The following TRPM3 variants were observed in gnomAD, a reference collection of about 807,000 sequenced individuals.
TRPM3 encodes the protein long transient receptor potential channel 3.
TRPM3 carries 77 observed loss-of-function variants against 181.2 expected under a neutral mutation model. The ratio of observed to expected loss-of-function variants is 0.42; its 90% confidence interval spans 0.35 to 0.51. TRPM3 has a LOEUF of 0.51. TRPM3 is among the 20% of genes least tolerant of loss of function. The pLI is 0.01. For missense variants in TRPM3, 1,759 were observed against 2,196.7 expected, an observed-to-expected ratio of 0.80 and a Z score of 3.98; for synonymous variants, 745 against 796.4, an observed-to-expected ratio of 0.94 and a Z score of 1.09.
intron 5 of TRPM3, among the ~76,000 whole-genome samples, chr9:70,839,041 AT>A: frequency 6.6e-6 from 1 of 152,228 alleles, no homozygotes; most frequent in East Asian, 1.9e-4. Context: ...TTGAGTTGCT[AT>A]CTAAGAAAAC....
At chr9:70,690,474 A>T (rs1397676302) in intron 8 of TRPM3, among the ~76,000 whole-genome samples, 1 of 152,172 alleles carries the variant, frequency 6.6e-6, no homozygotes, top group Non-Finnish European at 1.5e-5. Context: ...CAAGGATAGA[A>T]GCAGGGAAAC....
intron 1 of TRPM3, among the ~76,000 whole-genome samples, chr9:71,136,872 C>G (rs1271028957): frequency 6.6e-6 from 1 of 152,122 alleles, no homozygotes; most frequent in Non-Finnish European, 1.5e-5. Context: ...TTTTGTACAG[C>G]AAAAGAAGCT....
At chr9:71,424,957 T>C (rs1220126370) in intron 1 of TRPM3, among the ~76,000 whole-genome samples, 1 of 152,174 alleles carries the variant, frequency 6.6e-6, no homozygotes, top group Admixed American at 6.6e-5. Flanking sequence ...CAAATTCACA[T>C]AGAATTCATA....
intron 1 of TRPM3, among the ~76,000 whole-genome samples, chr9:71,030,512 C>G (rs1030929335): frequency 6.6e-6 from 1 of 151,542 alleles, no homozygotes; most frequent in Non-Finnish European, 1.5e-5. Flanking sequence ...TTGCAGTGAG[C>G]CAAGATCATG....
intron 1 of TRPM3, among the ~76,000 whole-genome samples, chr9:71,376,339 AAC>A (rs1359166286): frequency 2.0e-5 from 3 of 152,070 alleles, no homozygotes; most frequent in African/African-American, 7.2e-5. Flanking sequence ...ATTTTGAAGA[AAC>A]AATTTTCCCT....
chr9:71,337,088 G>A (rs954023860), intron 1 of TRPM3, among the ~76,000 whole-genome samples: 1 of 152,088 alleles, frequency 6.6e-6, no homozygotes, highest in African/African-American at 2.4e-5. Context: ...GCAACAAAAG[G>A]CAAAATTGAA....
At chr9:70,819,918 G>A (rs1311557237) in intron 6 of TRPM3, among the ~76,000 whole-genome samples, 1 of 152,154 alleles carries the variant, frequency 6.6e-6, no homozygotes, top group Non-Finnish European at 1.5e-5. Flanking sequence ...AAGACAACTA[G>A]ATTTCTGTCC....
intron 1 of TRPM3, among the ~76,000 whole-genome samples, chr9:70,946,492 T>C (rs933185797): frequency 6.6e-6 from 1 of 152,012 alleles, no homozygotes; most frequent in South Asian, 2.1e-4. Context: ...GTTGTTATAA[T>C]TAAATGCATT....
chr9:70,971,383 T>G (rs1004662466), intron 1 of TRPM3, among the ~76,000 whole-genome samples: 2 of 152,130 alleles, frequency 1.3e-5, no homozygotes, highest in African/African-American at 2.4e-5. Context: ...TGCCTTTCAT[T>G]TATCCCCTTG....
chr9:70,965,367 C>G (rs1279383406), intron 1 of TRPM3, among the ~76,000 whole-genome samples: 3 of 152,118 alleles, frequency 2.0e-5, no homozygotes, highest in African/African-American at 2.4e-5. Flanking sequence ...TTTTATCCCC[C>G]CCTTTTTGAA....
At chr9:71,431,725 C>A (rs921228735) in intron 1 of TRPM3, among the ~76,000 whole-genome samples, 1 of 152,184 alleles carries the variant, frequency 6.6e-6, no homozygotes, top group Admixed American at 6.5e-5. Context: ...TTTATTTCAT[C>A]TTCCATAACT....
intron 1 of TRPM3, among the ~76,000 whole-genome samples, chr9:71,011,779 T>G (rs914572162): frequency 9.9e-5 from 13 of 131,204 alleles, no homozygotes; most frequent in South Asian, 2.6e-4. Flanking sequence ...GGTTTTTTTT[T>G]TTGTTTTTTT....
intron 1 of TRPM3, among the ~76,000 whole-genome samples, chr9:71,248,938 A>G (rs1340752381): frequency 6.6e-6 from 1 of 152,210 alleles, no homozygotes; most frequent in African/African-American, 2.4e-5. Context: ...GAAGAGGAAA[A>G]CAGTTTTATT....
intron 9 of TRPM3, among the ~76,000 whole-genome samples, chr9:70,674,430 A>G (rs932658605): frequency 7.2e-5 from 11 of 152,210 alleles, no homozygotes; most frequent in Admixed American, 2.6e-4. Context: ...ATTTTTTAAA[A>G]TGAGATGAGT....
chr9:71,105,867 G>C (rs1317901691), intron 1 of TRPM3, among the ~76,000 whole-genome samples: 1 of 152,190 alleles, frequency 6.6e-6, no homozygotes, highest in South Asian at 2.1e-4. Flanking sequence ...GGTAGTGATT[G>C]TTGTGATATT....
At chr9:71,260,209 CT>C (rs1322888157) in intron 1 of TRPM3, among the ~76,000 whole-genome samples, 3 of 152,120 alleles carry the variant, frequency 2.0e-5, no homozygotes, top group Non-Finnish European at 2.9e-5. Context: ...GGTGTTATTT[CT>C]GAGGCCTCTG....
At chr9:70,701,289 T>C (rs1005734740) in intron 8 of TRPM3, among the ~76,000 whole-genome samples, 2 of 152,196 alleles carry the variant, frequency 1.3e-5, no homozygotes, top group African/African-American at 4.8e-5. Context: ...TGATAGGCTA[T>C]TTGGGCCTCT....
At chr9:70,996,567 T>A (rs1182336403) in intron 1 of TRPM3, among the ~76,000 whole-genome samples, 1 of 152,234 alleles carries the variant, frequency 6.6e-6, no homozygotes, top group African/African-American at 2.4e-5. Context: ...ATTCAGATTA[T>A]GTGCAAGGCC....
intron 1 of TRPM3, among the ~76,000 whole-genome samples, chr9:71,311,242 T>C (rs529893780): frequency 6.6e-6 from 1 of 152,294 alleles, no homozygotes; most frequent in South Asian, 2.1e-4. Flanking sequence ...TAAATTCATC[T>C]TTTCTCCTGT....
Sources: allele counts gnomAD v4.1 joint callset (sites outside exome capture counted in the v4.1 genomes callset), GRCh38; gene constraint gnomAD v4.1.1; transcripts MANE v1.5; gene names NCBI Gene and HGNC (gene_info 2026-07-23, HGNC 2026-07-21).